DNAH5: variants seen among roughly 807,000 people sequenced by gnomAD.
The protein encoded by DNAH5 is axonemal beta dynein heavy chain 5.
Under a neutral mutation model 518.2 loss-of-function variants are expected in DNAH5, and 372 were observed. The ratio of observed to expected loss-of-function variants is 0.72; its 90% CI spans 0.66 to 0.78. The LOEUF (loss-of-function observed/expected upper bound fraction) is 0.78, where lower values mean the gene tolerates loss of function less well. Ranked by LOEUF, DNAH5 falls within the 30% of genes least tolerant of loss-of-function variation. DNAH5 has a pLI of 0.00. For synonymous variants in DNAH5, 2,039 were observed against 2,025.9 expected, an observed-to-expected ratio of 1.01 and a Z score of -0.17; for missense variants, 5,523 against 5,687.0, an observed-to-expected ratio of 0.97 and a Z score of 0.93.
intron 18 of DNAH5, 106 bp from the exon 19 acceptor site, chr5:13,885,334 G>C: frequency 5.8e-6 from 8 of 1,385,468 alleles, no homozygotes; most frequent in Non-Finnish European, 6.0e-6. Flanking sequence ...GCAATTAAAG[G>C]ATAAATTACA....
At position 13,705,957 on chromosome 5, in the gene DNAH5, T is replaced by C. The variant is rs1406052881; in HGVS notation, c.13338+2166A>G. ...CTAGACACTCTGAAGGGAGCACGGC[T>C]GGCCAACAGTTCTATTTTGGACTTG... On this transcript the variant is annotated intron_variant, in intron 76 of 78. Transcript: ENST00000265104. 3.3e-5 allele frequency among the ~76,000 whole-genome samples: 5 copies of C among 152,220 alleles called. No homozygotes were observed. The East Asian group carries it at 9.6e-4, about 29-fold the overall frequency.
Position 13,786,222 on chromosome 5 carries a change from A to C in DNAH5, c.8777T>G (p.Met2926Arg), listed in dbSNP as rs372071561. 1 of 1,614,106 alleles carries C rather than the reference A, an allele frequency of 6.2e-7. No individual in the cohort carries two copies. Among genetic ancestry groups the C allele is most frequent in the Non-Finnish European group, 8.5e-7 (1 of 1,180,008 alleles). The change falls in exon 52 of 79, where the codon ATG becomes AGG. Residue 2926 changes from methionine (M) to arginine (R), a missense_variant. Around this residue, in one of 3 missense-constraint regions of DNAH5, gnomAD observed 5,121 missense variants for 5,223.3 expected, o/e 0.98. Coordinates refer to ENST00000265104, the MANE Select transcript of DNAH5 (RefSeq NM_001369.3). Reference protein sequence around the residue: ...LYNESIRGAGMDMVFFADAMV... With the variant: ...LYNESIRGAGRDMVFFADAMV... ...GGCATCTGCAAAGAACACCATGTCC[A>C]TGCCGGCGCCACGGATGCTCTCATT...
chr5:13,844,448 GT>G (rs1765688844), intron 32 of DNAH5, among the ~76,000 whole-genome samples: 1 of 152,110 alleles, frequency 6.6e-6, no homozygotes, highest in African/African-American at 2.4e-5. Flanking sequence ...AACAAAAAAA[GT>G]TTGAATAAAG....
chr5:13,768,886 TG>T, intron 58 of DNAH5, 73 bp downstream of exon 58: 1 of 1,510,292 alleles, frequency 6.6e-7, no homozygotes, highest in Non-Finnish European at 9.2e-7. Context: ...ATTTCCTTGC[TG>T]TTATTCATCT....
intron 21 of DNAH5, among the ~76,000 whole-genome samples, chr5:13,882,381 A>G (rs765138844): frequency 3.4e-4 from 51 of 152,102 alleles, no homozygotes; most frequent in Non-Finnish European, 7.1e-4. Context: ...CTACAGGCCA[A>G]TATCACTGGT....
In DNAH5 at chr5:13,713,286, A is replaced by G. The variant is rs182732256; in HGVS notation, c.13125+1119T>C. Among the ~76,000 whole-genome samples, 1,150 of 145,530 alleles carry G rather than the reference A, an allele frequency of 7.9e-3. 10 individuals carry two copies. Among genetic ancestry groups the G allele is most frequent in the African/African-American group, 0.019 (757 of 39,418 alleles). ...ATATATATACCGACATATATATACC[A>G]ACATATATATACCGACATATATATA... On this transcript the variant is annotated intron_variant, in intron 75 of 78. Transcript: ENST00000265104.
intron 78 of DNAH5, among the ~76,000 whole-genome samples, chr5:13,695,859 T>C (rs547758605): frequency 6.6e-6 from 1 of 151,950 alleles, no homozygotes; most frequent in Admixed American, 6.6e-5. Context: ...CACATGCACA[T>C]ACACACACAT....
intron 29 of DNAH5, 150 bp downstream of exon 29, chr5:13,862,397 TA>T: frequency 1.4e-6 from 1 of 730,448 alleles, no homozygotes; most frequent in Non-Finnish European, 2.2e-6. Flanking sequence ...GTTTTGGATA[TA>T]AAAATTAATT....
At chr5:13,807,393 T>C (rs983737078) in intron 47 of DNAH5, among the ~76,000 whole-genome samples, 198 bp downstream of exon 47, 16 of 152,232 alleles carry the variant, frequency 1.1e-4, no homozygotes, top group Non-Finnish European at 1.9e-4. Context: ...TTTTAATGTT[T>C]CCATAATTTA....
chr5:13,895,885 C>A (rs1397237328), intron 15 of DNAH5, among the ~76,000 whole-genome samples: 1 of 152,088 alleles, frequency 6.6e-6, no homozygotes, highest in African/African-American at 2.4e-5. Flanking sequence ...CTTTATCCTT[C>A]CAGTCCACAG....
chr5:13,693,492 TA>T (rs1740964612), intron 78 of DNAH5, among the ~76,000 whole-genome samples: 1 of 152,236 alleles, frequency 6.6e-6, no homozygotes, highest in Non-Finnish European at 1.5e-5. Context: ...TTGAATACAA[TA>T]ATGTTACACA....
Position 13,729,512 on chromosome 5 carries a change from C to T in DNAH5, c.11810G>A (p.Trp3937Ter). ...LKACPPKPSK[W>*]ILDITWLNLV... ...ATTCAGCCATGTTATGTCCAGGATC[C>T]ATTTTGATGGTTTTGGAGGACAAGC... Residue 3937 changes from tryptophan (W) to a stop codon, truncating the protein, a stop_gained, in exon 69 of 79, where the codon TGG becomes TAG. Coordinates refer to ENST00000265104, the MANE Select transcript of DNAH5 (RefSeq NM_001369.3). LOFTEE classifies it high-confidence loss of function. 6.2e-7 allele frequency: 1 copy of T among 1,613,890 alleles called. No homozygotes were observed. The highest frequency in any genetic ancestry group is 8.5e-7 in the Non-Finnish European group (1 of 1,179,866).
At chr5:13,830,465 T>G in intron 36 of DNAH5, 132 bp downstream of exon 36, 1 of 1,113,610 alleles carries the variant, frequency 9.0e-7, no homozygotes, top group Non-Finnish European at 1.3e-6. Flanking sequence ...CCTGGCAAGA[T>G]TGAAGATTTT....
chr5:13,937,061 A>G (rs1778990052), intron 1 of DNAH5, among the ~76,000 whole-genome samples: 1 of 151,904 alleles, frequency 6.6e-6, no homozygotes, highest in Non-Finnish European at 1.5e-5. Flanking sequence ...TTATCTCCAC[A>G]CCAGGAAATC....
At chr5:13,994,521 G>A (rs73047524) in intron 1 of DNAH5, among the ~76,000 whole-genome samples, 8,843 of 152,186 alleles carry the variant, frequency 0.058, 542 homozygotes, top group East Asian at 0.19. Context: ...GACTTATTAC[G>A]CATTTCTGAT....
At chr5:13,866,447 T>C (rs1229902974) in intron 25 of DNAH5, among the ~76,000 whole-genome samples, 165 bp from the exon 26 acceptor site, 1 of 152,222 alleles carries the variant, frequency 6.6e-6, no homozygotes, top group Non-Finnish European at 1.5e-5. Context: ...TTTAGACATA[T>C]GTTTCTAGTC....
chr5:13,724,104 ATCT>A (rs1265543301), intron 70 of DNAH5, among the ~76,000 whole-genome samples: 4 of 152,212 alleles, frequency 2.6e-5, no homozygotes, highest in Non-Finnish European at 5.9e-5. Context: ...ACATTTCTTC[ATCT>A]TCTTTTCTCC....
chr5:13,946,821 C>T (rs1234360881), upstream of DNAH5, among the ~76,000 whole-genome samples: 1 of 152,228 alleles, frequency 6.6e-6, no homozygotes, highest in Non-Finnish European at 1.5e-5. Context: ...TTTGAAGTTC[C>T]ACTTTCATTC....
intron 1 of DNAH5, among the ~76,000 whole-genome samples, chr5:14,000,797 T>A (rs148247415): frequency 6.6e-6 from 1 of 152,168 alleles, no homozygotes; most frequent in African/African-American, 2.4e-5. Context: ...ACTGAGTACA[T>A]ACCCAAAGGA....
Sources: gnomAD v4.1 joint callset for allele counts (sites outside exome capture counted in the v4.1 genomes callset) on GRCh38, gnomAD v4.1.1 for gene constraint, gnomAD v4.1.1 regional missense constraint, MANE v1.5 for transcripts, NCBI Gene and HGNC (gene_info 2026-07-23, HGNC 2026-07-21) for gene names.